The following PORCN variants were observed in gnomAD, a reference collection of about 807,000 sequenced individuals.
PORCN encodes the protein porcupine O-acyltransferase.
PORCN carries 1 observed loss-of-function variant against 43.0 expected under a neutral mutation model. That is an observed-to-expected ratio of 0.02 (90% CI 0.01 to 0.11). PORCN has a LOEUF of 0.11. Among genes scored for constraint, PORCN ranks in the 10% least tolerant of loss-of-function variants. PORCN has a pLI of 1.00. For missense variants in PORCN, 240 were observed against 392.1 expected, an observed-to-expected ratio of 0.61 and a Z score of 3.28; for synonymous variants, 148 against 166.4, an observed-to-expected ratio of 0.89 and a Z score of 0.85.
chrX:48,512,982 T>TTGGC, intron 7 of PORCN, 130 bp downstream of exon 7: 1 of 892,397 alleles, frequency 1.1e-6, no homozygotes, highest in Non-Finnish European at 1.6e-6. Context: ...GAGACTGTGG[T>TTGGC]TGGCTGGCTG....
intron 13 of PORCN, 119 bp from the exon 14 acceptor site, chrX:48,517,064 G>T: frequency 1.8e-6 from 1 of 542,236 alleles, no homozygotes. Flanking sequence ...GGGTACCCTG[G>T]GCATCCTCAG....
At chrX:48,514,419 A>G in intron 9 of PORCN, 54 bp downstream of exon 9, 1 of 1,194,536 alleles carries the variant, frequency 8.4e-7, no homozygotes, top group Non-Finnish European at 1.1e-6. Flanking sequence ...GAGGAGCTGC[A>G]GGGAGGAGGG....
Position 48,513,471 on chromosome X carries a change from G to A in PORCN, c.704+619G>A, listed in dbSNP as rs185646272. Among the ~76,000 whole-genome samples, 338 of 111,853 alleles carry A rather than the reference G, an allele frequency of 3.0e-3. 2 individuals are homozygous for A. Among genetic ancestry groups the A allele is most frequent in the African/African-American group, 0.011 (324 of 30,752 alleles). ...TCTGTGCCTGTCTGCAGGACTGACT[G>A]CCTCTAGTTTGACTATAGGGTTTGA... is the stretch of plus-strand genomic sequence containing the variant. On this transcript the variant is annotated intron_variant, in intron 7 of 14. Coordinates refer to ENST00000326194, the MANE Select transcript of PORCN (RefSeq NM_203475.3).
intron 7 of PORCN, among the ~76,000 whole-genome samples, chrX:48,513,254 G>T (rs2061689390): frequency 8.9e-6 from 1 of 112,654 alleles, no homozygotes; most frequent in Non-Finnish European, 1.9e-5. Context: ...ATCAGTGATA[G>T]GGTATGTGGC....
At chrX:48,511,817 AC>A (rs1242920844) in intron 3 of PORCN, 74 bp from the exon 4 acceptor site, 2 of 979,028 alleles carry the variant, frequency 2.0e-6, no homozygotes, top group Non-Finnish European at 2.9e-6. Context: ...GGCACCTTGG[AC>A]CCCCTTCCCC....
chrX:48,514,046 A>G, intron 7 of PORCN, 81 bp from the exon 8 acceptor site: 1 of 1,118,221 alleles, frequency 8.9e-7, no homozygotes, highest in South Asian at 1.9e-5. Flanking sequence ...TCTTGTCTGA[A>G]CAATTCAGAC....
At chrX:48,512,075 T>A in intron 4 of PORCN, 140 bp downstream of exon 4, 1 of 569,930 alleles carries the variant, frequency 1.8e-6, no homozygotes, top group Non-Finnish European at 3.0e-6. Flanking sequence ...CTCACATTAC[T>A]CTTGGGTCCG....
intron 10 of PORCN, chrX:48,515,372 T>G: frequency 9.9e-6 from 3 of 304,038 alleles, no homozygotes; most frequent in East Asian, 7.2e-5. Flanking sequence ...TGGCAGTGGA[T>G]GTGGAGAGGA....
intron 2 of PORCN, 44 bp downstream of exon 2, chrX:48,510,000 A>T: frequency 9.7e-7 from 1 of 1,032,521 alleles, no homozygotes; most frequent in South Asian, 1.9e-5. Flanking sequence ...AGGCCATATC[A>T]GACCTCCCAC....
chrX:48,516,322 A>T, intron 13 of PORCN, 176 bp downstream of exon 13: 2 of 498,789 alleles, frequency 4.0e-6, no homozygotes, highest in Non-Finnish European at 7.1e-6. Context: ...TTTATCGAGC[A>T]TCTGCTGTAT....
At chrX:48,514,647 C>G (rs1556974848) in intron 10 of PORCN, 22 bp downstream of exon 10, 2 of 1,130,829 alleles carry the variant, frequency 1.8e-6, no homozygotes, top group Non-Finnish European at 2.4e-6. Flanking sequence ...AGTCACCACT[C>G]CAGCTGTGTT....
intron 2 of PORCN, 149 bp downstream of exon 2, chrX:48,510,105 C>A: frequency 2.0e-6 from 1 of 504,635 alleles, no homozygotes; most frequent in Non-Finnish European, 3.5e-6. Flanking sequence ...CCACCACATC[C>A]CACCAGGCCA....
At chrX:48,509,210 C>T (rs976719469) in intron 1 of PORCN, 107 bp downstream of exon 1, 1 of 196,550 alleles carries the variant, frequency 5.1e-6, no homozygotes, top group African/African-American at 2.9e-5. Context: ...CATCACCTTT[C>T]CGACTCTCCC....
At chrX:48,519,095 A>AT in intron 14 of PORCN, among the ~76,000 whole-genome samples, 1 of 111,376 alleles carries the variant, frequency 9.0e-6, no homozygotes, top group African/African-American at 3.3e-5. Context: ...TAGAGAAAAG[A>AT]TTTGCTCCCA....
Position 48,515,538 on chromosome X carries a change from G to A in PORCN, c.947-179G>A. Reference sequence around the variant, plus strand: ...GACATTGACTGAACTTGATGAGACTGGGAGGAGCAGGCTGGGAAGATCGGG... The same window carrying A: ...GACATTGACTGAACTTGATGAGACTAGGAGGAGCAGGCTGGGAAGATCGGG... On this transcript the variant is annotated intron_variant, in intron 10 of 14. Coordinates refer to ENST00000326194, the MANE Select transcript of PORCN (RefSeq NM_203475.3). 6.1e-6 allele frequency: 3 copies of A among 490,006 alleles called. No homozygotes were observed. The South Asian group carries it at 8.4e-5, about 14-fold the overall frequency. The allele number at this position is 490,006 out of a possible 1,213,427, so 40.4% of individuals were successfully genotyped here.
At chrX:48,520,279 G>A (rs2061750618) in intron 14 of PORCN, 96 bp from the exon 15 acceptor site, 11 of 644,565 alleles carry the variant, frequency 1.7e-5, no homozygotes, top group Non-Finnish European at 2.6e-5. Flanking sequence ...GCCTCGCCTA[G>A]AGCAGTCACA....
intron 6 of PORCN, 57 bp from the exon 7 acceptor site, chrX:48,512,778 G>A: frequency 8.2e-7 from 1 of 1,212,214 alleles, no homozygotes; most frequent in Non-Finnish European, 1.1e-6. Context: ...GGGACCCGCG[G>A]TTTCCCCAGT....
chrX:48,513,387 G>T (rs1289395078), intron 7 of PORCN, among the ~76,000 whole-genome samples: 2 of 112,323 alleles, frequency 1.8e-5, no homozygotes, highest in Admixed American at 9.4e-5. Flanking sequence ...CTCTGCCTGT[G>T]TGTCTGCCTT....
chrX:48,515,505 G>A (rs781906755), intron 10 of PORCN: 58 of 452,097 alleles, frequency 1.3e-4, no homozygotes, highest in Non-Finnish European at 1.9e-4. Flanking sequence ...AACTGGAAAC[G>A]TGGAGTTGAC....
Sources: allele counts gnomAD v4.1 joint callset (sites outside exome capture counted in the v4.1 genomes callset), GRCh38; gene constraint gnomAD v4.1.1; transcripts MANE v1.5; gene names NCBI Gene and HGNC (gene_info 2026-07-23, HGNC 2026-07-21).